Variants in GDPD1 observed in about 807,000 individuals in gnomAD.
The protein encoded by GDPD1 is lysophospholipase D GDPD1.
Under a neutral mutation model 45.1 loss-of-function variants are expected in GDPD1, and 28 were observed. That is an observed-to-expected ratio of 0.62 (90% CI 0.46 to 0.85). GDPD1 has a LOEUF of 0.85. GDPD1 is among the 40% of genes least tolerant of loss of function. The probability of loss-of-function intolerance (pLI) is 0.00; values close to 1 mark genes in which losing one functional copy is unlikely to be tolerated. For synonymous variants in GDPD1, 139 were observed against 131.4 expected (o/e 1.06, Z -0.40); for missense variants, 256 against 364.8 (o/e 0.70, Z 2.43).
At chr17:59,265,744 C>CA (rs1463370027) in intron 6 of GDPD1, among the ~76,000 whole-genome samples, 1 of 149,100 alleles carries the variant, frequency 6.7e-6, no homozygotes, top group Non-Finnish European at 1.5e-5. Context: ...CAAAAAATAC[C>CA]AAAAAAAGTA....
intron 3 of GDPD1, among the ~76,000 whole-genome samples, chr17:59,248,363 C>G (rs888304171): frequency 1.3e-4 from 19 of 151,450 alleles, no homozygotes; most frequent in African/African-American, 4.6e-4. Flanking sequence ...ATAATTATAC[C>G]AAAATTTGCT....
At chr17:59,259,485 TG>T (rs2047335841) in intron 6 of GDPD1, among the ~76,000 whole-genome samples, 1 of 140,640 alleles carries the variant, frequency 7.1e-6, no homozygotes, top group African/African-American at 2.7e-5. Flanking sequence ...GAGAATGGCG[TG>T]AACCCGGGAG....
chr17:59,255,762 A>AAAAAAAATAT (rs1281572220), intron 4 of GDPD1, among the ~76,000 whole-genome samples: 1 of 44,356 alleles, frequency 2.3e-5, no homozygotes, highest in Non-Finnish European at 3.5e-5. Flanking sequence ...AAAAAAAAAA[A>AAAAAAAATAT]ATATATATAT....
At chr17:59,273,620 T>G (rs995337358) in intron 9 of GDPD1, 31 bp from the exon 10 acceptor site, 1 of 1,263,396 alleles carries the variant, frequency 7.9e-7, no homozygotes, top group Non-Finnish European at 1.1e-6. Flanking sequence ...TTAACATTTC[T>G]TCTCATACTT....
At chr17:59,269,754 T>TG (rs1436373971) in intron 7 of GDPD1, among the ~76,000 whole-genome samples, 4 of 151,618 alleles carry the variant, frequency 2.6e-5, no homozygotes, top group Non-Finnish European at 5.9e-5. Flanking sequence ...ACCCAGAAGG[T>TG]GGGGGTTGCA....
chr17:59,252,702 A>T (rs946001199), intron 4 of GDPD1, among the ~76,000 whole-genome samples: 1 of 151,314 alleles, frequency 6.6e-6, no homozygotes, highest in Non-Finnish European at 1.5e-5. Context: ...TCTCAAAAAA[A>T]AAAATACGCT....
intron 6 of GDPD1, among the ~76,000 whole-genome samples, chr17:59,264,570 G>A (rs757882057): frequency 2.6e-4 from 39 of 152,106 alleles, no homozygotes; most frequent in Non-Finnish European, 2.8e-4. Flanking sequence ...GGGATTACAA[G>A]TGTGAGTCAC....
At chr17:59,241,333 T>A (rs1036399879) in intron 2 of GDPD1, among the ~76,000 whole-genome samples, 1 of 152,172 alleles carries the variant, frequency 6.6e-6, no homozygotes, top group African/African-American at 2.4e-5. Context: ...TTATTTATTT[T>A]TGAGACGGAG....
At chr17:59,261,837 T>C (rs35392120) in intron 6 of GDPD1, among the ~76,000 whole-genome samples, 15,062 of 151,100 alleles carry the variant, frequency 0.1, 1,002 homozygotes, top group South Asian at 0.26. Flanking sequence ...TCTCACTGTA[T>C]TGGCCAAGCT....
intron 1 of GDPD1, among the ~76,000 whole-genome samples, chr17:59,228,121 G>A (rs1237475905): frequency 3.5e-5 from 5 of 142,460 alleles, no homozygotes; most frequent in African/African-American, 8.0e-5. Context: ...GCAGTGAGCC[G>A]AGATTGTGCC....
chr17:59,267,026 G>A lies in GDPD1; in HGVS notation c.577-15G>A, dbSNP rs779855055. 6.3e-7 allele frequency: 1 copy of A among 1,595,268 alleles called. No homozygotes were observed. The highest frequency in any genetic ancestry group is 8.6e-7 in the Non-Finnish European group (1 of 1,166,522). ...AGTTGTAAAAATAACATGTAATATT[G>A]CTTGTGTCTTTTAGAATTCAGATAT... is the stretch of plus-strand genomic sequence containing the variant. On this transcript the variant is annotated splice_polypyrimidine_tract_variant and intron_variant, in intron 6 of 9. Coordinates refer to ENST00000284116, the MANE Select transcript of GDPD1 (RefSeq NM_182569.4).
chr17:59,261,459 A>G (rs1169115356), intron 6 of GDPD1, among the ~76,000 whole-genome samples: 4 of 152,104 alleles, frequency 2.6e-5, no homozygotes, highest in African/African-American at 9.6e-5. Context: ...ACAAAAACCT[A>G]TAAATGATTT....
Position 59,238,601 on chromosome 17 carries a change from G to C in GDPD1, c.185+4067G>C, listed in dbSNP as rs191769605. Among the ~76,000 whole-genome samples, 97 of 152,100 alleles carry C rather than the reference G, an allele frequency of 6.4e-4. 1 individual carries two copies. Among genetic ancestry groups the C allele is most frequent in the Non-Finnish European group, 1.3e-3 (85 of 67,998 alleles). On this transcript the variant is annotated intron_variant, in intron 2 of 9. Coordinates refer to ENST00000284116, the MANE Select transcript of GDPD1 (RefSeq NM_182569.4). ...GCTAATTTTTTGTACTTGTAGTAGA[G>C]ACAGGGTTTCACCATGTTAGCCAGG...
chr17:59,221,308 G>A (rs1011687620), intron 1 of GDPD1, among the ~76,000 whole-genome samples: 1 of 152,000 alleles, frequency 6.6e-6, no homozygotes, highest in African/African-American at 2.4e-5. Flanking sequence ...GAGAAGAGAG[G>A]GAAACCGAGT....
rs765102238 is a variant in GDPD1 at position 59,245,538 on chromosome 17, C to A, written c.310C>A (p.Leu104Ile). The A allele has an allele frequency of 8.7e-6, 14 of 1,607,206 alleles. No homozygotes were observed. Among genetic ancestry groups the A allele is most frequent in the Admixed American group, 1.7e-5 (1 of 59,262 alleles). Residue 104 changes from leucine (L) to isoleucine (I), a missense_variant, in exon 3 of 10, where the codon CTC becomes ATC. By Grantham distance (5) the Leu-to-Ile change is conservative. Coordinates refer to ENST00000284116, the MANE Select transcript of GDPD1 (RefSeq NM_182569.4). ...ATGVNVNISD[L>I]KYCELPPYLG... is the part of the protein sequence containing the mutation. ...TGGGGTCAATGTAAACATCTCTGAT[C>A]TCAAATACTGTGTAAGTAAAAATGC...
At chr17:59,257,331 C>T in intron 5 of GDPD1, 91 bp downstream of exon 5, 1 of 681,064 alleles carries the variant, frequency 1.5e-6, no homozygotes, top group South Asian at 2.0e-5. Context: ...ATTGATAATG[C>T]TCAAGGAAAT....
At chr17:59,230,681 C>T (rs2047082706) in intron 1 of GDPD1, among the ~76,000 whole-genome samples, 1 of 151,890 alleles carries the variant, frequency 6.6e-6, no homozygotes, top group Admixed American at 6.6e-5. Context: ...CATGCCCGGC[C>T]CAGTTGCAGA....
At chr17:59,225,827 T>A (rs953920742) in intron 1 of GDPD1, among the ~76,000 whole-genome samples, 4 of 152,140 alleles carry the variant, frequency 2.6e-5, no homozygotes, top group Non-Finnish European at 5.9e-5. Context: ...GTTCAAGTGA[T>A]TCTCCTGCCT....
chr17:59,271,510 A>G (rs1024126205), intron 8 of GDPD1, among the ~76,000 whole-genome samples: 4 of 152,192 alleles, frequency 2.6e-5, no homozygotes, highest in African/African-American at 9.6e-5. Context: ...ATCACTAAAT[A>G]ATTGTACTAT....
Sources: gnomAD v4.1 joint callset for allele counts (sites outside exome capture counted in the v4.1 genomes callset) on GRCh38, gnomAD v4.1.1 for gene constraint, MANE v1.5 for transcripts, NCBI Gene and HGNC (gene_info 2026-07-23, HGNC 2026-07-21) for gene names.